SYN3: variants seen among roughly 807,000 people sequenced by gnomAD.
SYN3 encodes the protein synapsin-3.
In SYN3, 35 loss-of-function variants were observed where a neutral mutation model predicts 65.8. The ratio of observed to expected loss-of-function variants is 0.53; its 90% CI spans 0.41 to 0.70. SYN3 has a LOEUF of 0.70. Ranked by LOEUF, SYN3 falls within the 30% of genes least tolerant of loss-of-function variation. The probability of loss-of-function intolerance (pLI) is 0.00; values close to 1 mark genes in which losing one functional copy is unlikely to be tolerated. For missense variants in SYN3, 680 were observed against 749.0 expected (o/e 0.91, Z 1.08); for synonymous variants, 270 against 292.9 (o/e 0.92, Z 0.80).
At chr22:32,747,525 G>A (rs1032961483) in intron 6 of SYN3, among the ~76,000 whole-genome samples, 10 of 152,060 alleles carry the variant, frequency 6.6e-5, no homozygotes, top group Non-Finnish European at 1.3e-4. Context: ...TAATCTGATC[G>A]ATGACCCTAT....
chr22:32,662,854 T>C (rs1384352210), intron 6 of SYN3, among the ~76,000 whole-genome samples: 1 of 152,242 alleles, frequency 6.6e-6, no homozygotes, highest in African/African-American at 2.4e-5. Context: ...AGTGGATAGA[T>C]GAATTTTCTG....
intron 7 of SYN3, among the ~76,000 whole-genome samples, chr22:32,568,327 G>A (rs535621885): frequency 6.6e-6 from 1 of 152,168 alleles, no homozygotes; most frequent in Non-Finnish European, 1.5e-5. Context: ...ACAGGGCTTT[G>A]TATTTAGTCT....
chr22:32,700,078 ATT>A lies in SYN3; in HGVS notation c.712-103344_712-103343del, dbSNP rs370864545. Reference sequence around the variant, plus strand: ...ACAAAGCTTGTTCCAACAATCGAAAATTTCTGCCTGAAATTTTGTATACGGTC... The same window carrying A: ...ACAAAGCTTGTTCCAACAATCGAAAATCTGCCTGAAATTTTGTATACGGTC... On this transcript the variant is annotated intron_variant, in intron 6 of 13. Transcript: ENST00000358763. 3.6e-3 allele frequency among the ~76,000 whole-genome samples: 545 copies of A among 152,176 alleles called. 3 individuals are homozygous for A. The highest frequency in any genetic ancestry group is 0.012 in the African/African-American group (516 of 41,512).
intron 3 of SYN3, among the ~76,000 whole-genome samples, chr22:32,942,614 G>C (rs1352977562): frequency 6.6e-6 from 1 of 152,220 alleles, no homozygotes; most frequent in Non-Finnish European, 1.5e-5. Flanking sequence ...TTGACGAGTT[G>C]AGTGAAGAAG....
At chr22:32,634,844 C>T (rs58007110) in intron 6 of SYN3, among the ~76,000 whole-genome samples, 14,961 of 152,150 alleles carry the variant, frequency 0.098, 1,668 homozygotes, top group African/African-American at 0.28. Flanking sequence ...AACTTGTGGC[C>T]CGCCGGCCAT....
intron 6 of SYN3, among the ~76,000 whole-genome samples, chr22:32,776,516 T>C (rs959836333): frequency 1.3e-5 from 2 of 152,182 alleles, no homozygotes; most frequent in African/African-American, 2.4e-5. Flanking sequence ...AGAGAAGTGA[T>C]GTAGCTTGCC....
chr22:32,715,358 T>C (rs1470274090), intron 6 of SYN3, among the ~76,000 whole-genome samples: 1 of 152,238 alleles, frequency 6.6e-6, no homozygotes, highest in African/African-American at 2.4e-5. Flanking sequence ...GGAACCCTTT[T>C]GTCTCCTAAT....
At chr22:33,019,301 G>A (rs62234238) in intron 1 of SYN3, among the ~76,000 whole-genome samples, 1 of 152,062 alleles carries the variant, frequency 6.6e-6, no homozygotes, top group Non-Finnish European at 1.5e-5. Flanking sequence ...CCCTCTGCCC[G>A]GAATACTGCA....
At chr22:32,569,400 A>AATCT (rs60525962) in intron 7 of SYN3, among the ~76,000 whole-genome samples, 25,600 of 143,874 alleles carry the variant, frequency 0.18, 2,414 homozygotes, top group South Asian at 0.21. Context: ...CTCCATCCAA[A>AATCT]ATCTATCTAT....
chr22:32,580,969 C>T (rs1444661630), intron 7 of SYN3, among the ~76,000 whole-genome samples: 3 of 152,188 alleles, frequency 2.0e-5, no homozygotes, highest in Non-Finnish European at 4.4e-5. Context: ...TTAACAAGAT[C>T]CCCTGGGTGA....
At chr22:32,642,758 T>C (rs1272948867) in intron 6 of SYN3, among the ~76,000 whole-genome samples, 1 of 152,008 alleles carries the variant, frequency 6.6e-6, no homozygotes, top group Non-Finnish European at 1.5e-5. Flanking sequence ...GGGGTCTCAC[T>C]ATGTTGCCCA....
Position 32,509,621 on chromosome 22 carries a change from T to G in SYN3, c.*4071A>C, listed in dbSNP as rs1024996912. On this transcript the variant is annotated 3_prime_UTR_variant, in exon 14 of 14. Transcript: ENST00000358763. ...TCTCACTCTGTTGCCCAGGCTGGAG[T>G]GCAGTGGTGCGATCTCGGCTCACTG... 6.6e-6 allele frequency among the ~76,000 whole-genome samples: 1 copy of G among 152,046 alleles called. No homozygotes were observed. The highest frequency in any genetic ancestry group is 1.9e-4 in the East Asian group (1 of 5,178).
At chr22:32,720,320 C>T in intron 6 of SYN3, among the ~76,000 whole-genome samples, 1 of 152,236 alleles carries the variant, frequency 6.6e-6, no homozygotes, top group Admixed American at 6.5e-5. Flanking sequence ...CAACCTCAAA[C>T]ACCTACCCAG....
chr22:32,533,898 G>T lies in SYN3; in HGVS notation c.993-3C>A. The T allele has an allele frequency of 1.2e-6, 2 of 1,609,264 alleles. No homozygotes were observed. The highest frequency in any genetic ancestry group is 1.7e-6 in the Non-Finnish European group (2 of 1,176,086). ...AGCTGTCCACCCACAGCCTGTACCT[G>T]CAGGGACAGATGGACAGACAGTGAA... On this transcript the variant is annotated splice_polypyrimidine_tract_variant and splice_region_variant and intron_variant, in intron 9 of 13. Transcript: ENST00000358763.
intron 12 of SYN3, chr22:32,518,536 A>G (rs2057820160): frequency 1.4e-6 from 1 of 720,678 alleles, no homozygotes; most frequent in African/African-American, 1.7e-5. Flanking sequence ...TGCTGTGGTC[A>G]TCACATAGGA....
intron 6 of SYN3, among the ~76,000 whole-genome samples, chr22:32,657,197 C>T (rs1402445340): frequency 6.6e-6 from 1 of 151,382 alleles, no homozygotes; most frequent in Non-Finnish European, 1.5e-5. Context: ...GATCTTGGCT[C>T]ACTGCGAGCT....
At chr22:33,030,819 A>T (rs1466347171) in intron 1 of SYN3, among the ~76,000 whole-genome samples, 1 of 152,062 alleles carries the variant, frequency 6.6e-6, no homozygotes, top group African/African-American at 2.4e-5. Context: ...AGAGAAACAG[A>T]TACAGAGAGA....
At chr22:32,578,408 G>A (rs2058886507) in intron 7 of SYN3, among the ~76,000 whole-genome samples, 1 of 151,922 alleles carries the variant, frequency 6.6e-6, no homozygotes, top group South Asian at 2.1e-4. Flanking sequence ...CACCACACCT[G>A]GCATTTTTTT....
chr22:32,833,679 C>G (rs1276300306), intron 6 of SYN3, among the ~76,000 whole-genome samples: 4 of 152,310 alleles, frequency 2.6e-5, no homozygotes, highest in African/African-American at 9.6e-5. Flanking sequence ...CCAATTCAGG[C>G]TGCCTGGACT....
Sources: gnomAD v4.1 joint callset for allele counts (sites outside exome capture counted in the v4.1 genomes callset) on GRCh38, gnomAD v4.1.1 for gene constraint, MANE v1.5 for transcripts, NCBI Gene and HGNC (gene_info 2026-07-23, HGNC 2026-07-21) for gene names.